Variants in ARHGAP44 observed in about 807,000 individuals in gnomAD.
ARHGAP44 encodes Rho GTPase activating protein 44, also known as rho GTPase-activating protein 44.
ARHGAP44 carries 43 observed loss-of-function variants against 106.8 expected under a neutral mutation model. That is an observed-to-expected ratio of 0.40 (90% CI 0.32 to 0.52). ARHGAP44 has a LOEUF of 0.52. ARHGAP44 is among the 20% of genes least tolerant of loss of function. ARHGAP44 has a pLI of 0.48. For missense variants in ARHGAP44, 866 were observed against 1,050.5 expected, an observed-to-expected ratio of 0.82 and a Z score of 2.43; for synonymous variants, 439 against 410.3, an observed-to-expected ratio of 1.07 and a Z score of -0.85.
chr17:12,880,832 T>A (rs914332884), intron 1 of ARHGAP44, among the ~76,000 whole-genome samples: 4 of 152,184 alleles, frequency 2.6e-5, no homozygotes, highest in South Asian at 2.1e-4. Context: ...GACATTGTTT[T>A]CTACAATGCT....
chr17:12,872,229 A>G (rs1285453250), intron 1 of ARHGAP44, among the ~76,000 whole-genome samples: 1 of 152,120 alleles, frequency 6.6e-6, no homozygotes, highest in Non-Finnish European at 1.5e-5. Flanking sequence ...CATGAGAATC[A>G]TATGCCTTCA....
chr17:12,906,084 C>T (rs1567679301), intron 3 of ARHGAP44, among the ~76,000 whole-genome samples: 1 of 152,200 alleles, frequency 6.6e-6, no homozygotes, highest in South Asian at 2.1e-4. Flanking sequence ...TCAGAAATGT[C>T]TCCAGATGTT....
chr17:12,923,950 C>T (rs1246559451), intron 6 of ARHGAP44, among the ~76,000 whole-genome samples: 1 of 152,208 alleles, frequency 6.6e-6, no homozygotes, highest in South Asian at 2.1e-4. Context: ...CCCCCTACCC[C>T]CTGCATTTCT....
chr17:12,791,676 G>A (rs1450087985), intron 1 of ARHGAP44, among the ~76,000 whole-genome samples: 1 of 152,124 alleles, frequency 6.6e-6, no homozygotes. Context: ...ATCCATGGGG[G>A]GAATGCAAAA....
intron 1 of ARHGAP44, among the ~76,000 whole-genome samples, chr17:12,876,292 G>A (rs536262102): frequency 3.9e-5 from 6 of 152,148 alleles, no homozygotes; most frequent in East Asian, 1.9e-4. Context: ...TCCCTCCCAC[G>A]AAAACCACAG....
intron 6 of ARHGAP44, among the ~76,000 whole-genome samples, chr17:12,920,188 A>C (rs1280688286): frequency 1.3e-5 from 2 of 152,086 alleles, no homozygotes; most frequent in Non-Finnish European, 2.9e-5. Flanking sequence ...ATCCTGGCTA[A>C]CATGGTGAAA....
intron 1 of ARHGAP44, among the ~76,000 whole-genome samples, chr17:12,795,205 A>T (rs2033883846): frequency 6.6e-6 from 1 of 152,180 alleles, no homozygotes; most frequent in African/African-American, 2.4e-5. Context: ...TTTTCATTAG[A>T]GTTTTATGGA....
chr17:12,921,170 G>C (rs1197121251), intron 6 of ARHGAP44, among the ~76,000 whole-genome samples: 1 of 151,812 alleles, frequency 6.6e-6, no homozygotes, highest in African/African-American at 2.4e-5. Flanking sequence ...AGGTTCAAGT[G>C]GTTCTCCTGC....
chr17:12,912,671 G>A (rs190738037), intron 4 of ARHGAP44, among the ~76,000 whole-genome samples: 1 of 152,258 alleles, frequency 6.6e-6, no homozygotes, highest in East Asian at 1.9e-4. Context: ...CTTCTAGAGA[G>A]AAAACATGTC....
intron 1 of ARHGAP44, among the ~76,000 whole-genome samples, chr17:12,856,046 A>G (rs893171100): frequency 6.6e-6 from 1 of 152,210 alleles, no homozygotes; most frequent in African/African-American, 2.4e-5. Flanking sequence ...GCTACACCCT[A>G]ATGATAGCCG....
rs1214405556 is a variant in ARHGAP44 at position 12,933,845 on chromosome 17, AATT to A, written c.582+4800_582+4802del. 9.0e-5 allele frequency among the ~76,000 whole-genome samples: 12 copies of A among 132,978 alleles called. 1 individual carries two copies. Among genetic ancestry groups the A allele is most frequent in the Non-Finnish European group, 1.2e-4 (8 of 64,528 alleles). 87.2% of individuals were successfully genotyped at this position (132,978 alleles called of 152,430 possible). On this transcript the variant is annotated intron_variant, in intron 7 of 20. Coordinates refer to ENST00000379672, the MANE Select transcript of ARHGAP44 (RefSeq NM_014859.6). ...TTATCTCCCCATATTTCATCACATA[AATT>A]CTTTTTTTTTTTTTTTTTGAGACGG...
intron 12 of ARHGAP44, among the ~76,000 whole-genome samples, chr17:12,951,493 A>C (rs1054149817): frequency 7.2e-5 from 11 of 152,196 alleles, no homozygotes; most frequent in African/African-American, 2.7e-4. Flanking sequence ...TGTCACTCTT[A>C]TTATTTATTG....
chr17:12,790,495 T>A (rs2033714233), intron 1 of ARHGAP44: 1 of 152,660 alleles, frequency 6.6e-6, no homozygotes, highest in Admixed American at 6.6e-5. Flanking sequence ...GCTGGTGGAA[T>A]GGCGTTGCTG....
intron 1 of ARHGAP44, among the ~76,000 whole-genome samples, chr17:12,822,988 G>A (rs1406999505): frequency 2.6e-5 from 4 of 152,136 alleles, no homozygotes; most frequent in South Asian, 2.1e-4. Flanking sequence ...GCAGAGGCCC[G>A]TAACTCAGAA....
intron 4 of ARHGAP44, among the ~76,000 whole-genome samples, chr17:12,911,934 A>G (rs954218317): frequency 2.0e-5 from 3 of 152,212 alleles, no homozygotes; most frequent in African/African-American, 7.2e-5. Context: ...AGATCTGAGG[A>G]TGTTGGAGGG....
chr17:12,847,795 G>A (rs979867529), intron 1 of ARHGAP44, among the ~76,000 whole-genome samples: 21 of 152,060 alleles, frequency 1.4e-4, no homozygotes, highest in African/African-American at 5.1e-4. Flanking sequence ...GTGAGCCACC[G>A]CGCCCGGCCC....
chr17:12,983,836 GA>G (rs2039891947), intron 19 of ARHGAP44, among the ~76,000 whole-genome samples: 1 of 152,040 alleles, frequency 6.6e-6, no homozygotes, highest in South Asian at 2.1e-4. Flanking sequence ...AAAAACCCCA[GA>G]AAAACAACGA....
intron 17 of ARHGAP44, chr17:12,973,709 C>T: frequency 2.1e-6 from 1 of 481,324 alleles, no homozygotes; most frequent in South Asian, 2.9e-5. Context: ...GTCCCTGCCC[C>T]CCCAGTTAGG....
chr17:12,903,480 T>C (rs1037654493), intron 3 of ARHGAP44, among the ~76,000 whole-genome samples: 1 of 152,158 alleles, frequency 6.6e-6, no homozygotes, highest in African/African-American at 2.4e-5. Flanking sequence ...TTACCAGGGA[T>C]TGGGACTGGC....
Sources: gnomAD v4.1 joint callset for allele counts (sites outside exome capture counted in the v4.1 genomes callset) on GRCh38, gnomAD v4.1.1 for gene constraint, MANE v1.5 for transcripts, NCBI Gene and HGNC (gene_info 2026-07-23, HGNC 2026-07-21) for gene names.